MSH6: variants seen among roughly 807,000 people sequenced by gnomAD.
The protein encoded by MSH6 is DNA mismatch repair protein Msh6.
MSH6 carries 85 observed loss-of-function variants against 119.1 expected under a neutral mutation model. That is an observed-to-expected ratio of 0.71 (90% CI 0.60 to 0.85). The LOEUF is 0.85. MSH6 is among the 40% of genes least tolerant of loss of function. MSH6 has a pLI of 0.00. For synonymous variants in MSH6, 830 were observed against 586.9 expected (o/e 1.41, Z -5.99); for missense variants, 2,163 against 1,655.3 (o/e 1.31, Z -5.32).
chr2:47,800,381 G>C lies in MSH6; in HGVS notation c.2398G>C (p.Val800Leu), dbSNP rs61748083. The change falls in exon 4 of 10, where the codon GTT becomes CTT. Residue 800 changes from valine (V) to leucine (L), a missense_variant. Transcript: ENST00000234420. Reference sequence around the variant, plus strand: ...TCTAGATGCCATAGAAGACCTCATGGTTGTGCCTGACAAAATCTCCGAAGT... The same window carrying C: ...TCTAGATGCCATAGAAGACCTCATGCTTGTGCCTGACAAAATCTCCGAAGT... ...DRLDAIEDLM[V>L]VPDKISEVVE... 206 of 1,613,922 alleles carry C rather than the reference G, an allele frequency of 1.3e-4. No homozygotes were observed. The highest frequency in any genetic ancestry group is 4.9e-4 in the Middle Eastern group (3 of 6,084).
chr2:47,798,509 A>G (rs2104283803), intron 3 of MSH6, 102 bp from the exon 4 acceptor site: 1 of 1,204,724 alleles, frequency 8.3e-7, no homozygotes, highest in Non-Finnish European at 1.2e-6. Flanking sequence ...CAGTGGCTGC[A>G]CGGGTACCAT....
rs1553333928 is a variant in MSH6 at position 47,806,761 on chromosome 2, T to G, written c.4002-18T>G. ...GAAAAAACAAAAAAACTTTTTTTTTTTTTTTTTTAATTTTAAGGGAAGTTT... is the reference window on the plus strand; with the variant it reads ...GAAAAAACAAAAAAACTTTTTTTTTGTTTTTTTTAATTTTAAGGGAAGTTT... On this transcript the variant is annotated intron_variant, in intron 9 of 9. Coordinates refer to ENST00000234420, the MANE Select transcript of MSH6 (RefSeq NM_000179.3). 1.3e-6 allele frequency: 2 copies of G among 1,580,930 alleles called. No individual in the cohort carries two copies. The highest frequency in any genetic ancestry group is 1.7e-6 in the Non-Finnish European group (2 of 1,164,874).
intron 6 of MSH6, 123 bp downstream of exon 6, chr2:47,805,150 C>A: frequency 6.9e-6 from 5 of 727,212 alleles, no homozygotes; most frequent in East Asian, 2.7e-5. Flanking sequence ...ACTTTAAAAA[C>A]ATCACTTTTT....
rs2104343819 is a variant in MSH6, at chr2:47,799,418, A to C, written c.1435A>C (p.Lys479Gln). Residue 479 changes from lysine (K) to glutamine (Q), a missense_variant, in exon 4 of 10, where the codon AAA (lysine) becomes CAA (glutamine). Lys to Gln is a moderately conservative substitution (Grantham distance 53, BLOSUM62 1). Transcript: ENST00000234420. Reference protein sequence around the residue: ...YSDSLVQKGYKVARVEQTETP... With the variant: ...YSDSLVQKGYQVARVEQTETP... ...AGATTCCCTGGTGCAGAAGGGCTAT[A>C]AAGTAGCACGAGTGGAACAGACTGA... The C allele has an allele frequency of 6.2e-7, 1 of 1,614,158 alleles. No individual in the cohort carries two copies. Among genetic ancestry groups the C allele is most frequent in the Non-Finnish European group, 8.5e-7 (1 of 1,180,028 alleles).
At chr2:47,801,684 A>G (rs558390014) in intron 4 of MSH6, among the ~76,000 whole-genome samples, 18 of 151,390 alleles carry the variant, frequency 1.2e-4, no homozygotes, top group African/African-American at 4.4e-4. Flanking sequence ...TTCAGTCTTT[A>G]ATAATCGAAC....
chr2:47,790,593 A>G (rs1418834439), intron 1 of MSH6, among the ~76,000 whole-genome samples: 1 of 152,180 alleles, frequency 6.6e-6, no homozygotes, highest in Non-Finnish European at 1.5e-5. Context: ...GGTGCTACTA[A>G]TTTGGAGAGC....
At chr2:47,808,496 TA>T (rs1361592898), downstream of MSH6, 205 of 1,123,764 alleles carry the variant, frequency 1.8e-4, no homozygotes, top group Non-Finnish European at 2.5e-4. Context: ...ATTCTGTTTA[TA>T]TATTACTATG....
At chr2:47,809,981 T>C (rs1670502338), downstream of MSH6, 1 of 491,594 alleles carries the variant, frequency 2.0e-6, no homozygotes, top group African/African-American at 2.0e-5. Context: ...CATTTTAACA[T>C]CTCTTTTTCT....
rs3732185 is a variant in MSH6, at chr2:47,790,820, C to T, written c.261-107C>T. ...TAAAAATTATTCTAGAATTTCTGTG[C>T]TTCAATATTAATGCCAGAAGACTTG... On this transcript the variant is annotated intron_variant, in intron 1 of 9. Transcript: ENST00000234420. 1.7e-4 allele frequency: 166 copies of T among 991,312 alleles called. 1 individual carries two copies. The East Asian group carries it at 4.0e-3, about 24-fold the overall frequency. 61.4% of individuals were successfully genotyped at this position (991,312 alleles called of 1,614,324 possible). A position where few individuals can be genotyped will look rare whatever the true frequency, so the allele number is the denominator to read the frequency against.
In MSH6 at chr2:47,783,216, G is replaced by T. The variant is rs199913053; in HGVS notation, c.-18G>T. The T allele has an allele frequency of 3.9e-4, 636 of 1,611,170 alleles. 1 individual carries two copies. The highest frequency in any genetic ancestry group is 9.2e-4 in the South Asian group (84 of 90,828). The stretch of plus-strand genomic sequence containing the variant: ...GAGCTCCGTCCGACAGAACGGTTGG[G>T]CCTTGCCGGCTGTCGGTATGTCGCG... On this transcript the variant is annotated 5_prime_UTR_variant, in exon 1 of 10. Coordinates refer to ENST00000234420, the MANE Select transcript of MSH6 (RefSeq NM_000179.3).
chr2:47,804,211 A>G (rs1669806420), intron 5 of MSH6, among the ~76,000 whole-genome samples: 1 of 152,052 alleles, frequency 6.6e-6, no homozygotes, highest in African/African-American at 2.4e-5. Flanking sequence ...CCCAGGTTCA[A>G]CCCTTCCTCC....
chr2:47,783,740 A>C, intron 1 of MSH6: 1 of 398,630 alleles, frequency 2.5e-6, no homozygotes, highest in Non-Finnish European at 4.0e-6. Flanking sequence ...AGACGCGGAG[A>C]GTTCGGGCCT....
At chr2:47,797,308 AG>A (rs1214888992) in intron 3 of MSH6, among the ~76,000 whole-genome samples, 3 of 152,344 alleles carry the variant, frequency 2.0e-5, no homozygotes, top group African/African-American at 7.2e-5. Context: ...TCAATAGATA[AG>A]ATAGGGAATG....
intron 2 of MSH6, among the ~76,000 whole-genome samples, chr2:47,793,318 CAAAAAAA>C (rs34250836): frequency 0.015 from 747 of 48,694 alleles, 5 homozygotes; most frequent in African/African-American, 0.058. Flanking sequence ...GAGACTGTCT[CAAAAAAA>C]AAAAAAAAAA....
chr2:47,801,241 G>C, intron 4 of MSH6, 86 bp downstream of exon 4: 2 of 1,369,948 alleles, frequency 1.5e-6, no homozygotes, highest in Non-Finnish European at 2.0e-6. Context: ...TAAGTAATAA[G>C]GTATATATGG....
chr2:47,783,542 C>G (rs753194181), intron 1 of MSH6, 49 bp downstream of exon 1: 12 of 1,388,318 alleles, frequency 8.6e-6, no homozygotes, highest in Non-Finnish European at 1.0e-5. Flanking sequence ...CGGCGGGGCG[C>G]TTGGAACCCG....
chr2:47,790,167 A>T (rs1427460125), intron 1 of MSH6, among the ~76,000 whole-genome samples: 1 of 152,192 alleles, frequency 6.6e-6, no homozygotes, highest in African/African-American at 2.4e-5. Flanking sequence ...CACGCCTGTA[A>T]TCCCAGCACT....
intron 5 of MSH6, among the ~76,000 whole-genome samples, chr2:47,804,704 G>T (rs1222222839): frequency 6.6e-6 from 1 of 152,174 alleles, no homozygotes; most frequent in African/African-American, 2.4e-5. Context: ...TGTTTTAAAG[G>T]CCAGGTGAGG....
rs786202696 is a variant in MSH6 at position 47,806,347 on chromosome 2, C to T, written c.3790C>T (p.Leu1264=). ...TTATTCTCAAAATGTTGCTGTGCGCCTAGGACATATGGTATGTGCAAATTG... is the reference window on the plus strand; with the variant it reads ...TTATTCTCAAAATGTTGCTGTGCGCTTAGGACATATGGTATGTGCAAATTG... ...EDYSQNVAVR[L]GHMACMVENE... The change falls in exon 8 of 10, where the codon CTA becomes TTA. Residue 1264 remains leucine, a synonymous_variant. Transcript: ENST00000234420. 1.2e-6 allele frequency: 2 copies of T among 1,614,092 alleles called. No homozygotes were observed. The highest frequency in any genetic ancestry group is 1.7e-6 in the Non-Finnish European group (2 of 1,179,996).
Sources: gnomAD v4.1 joint callset for allele counts (sites outside exome capture counted in the v4.1 genomes callset) on GRCh38, gnomAD v4.1.1 for gene constraint, MANE v1.5 for transcripts, NCBI Gene and HGNC (gene_info 2026-07-23, HGNC 2026-07-21) for gene names.